Variants in NAV1 observed in about 807,000 individuals in gnomAD.
NAV1 encodes neuron navigator 1, also known as pore membrane and/or filament interacting like protein 3.
A neutral mutation model predicts 175.2 loss-of-function variants in NAV1; 18 were observed. The observed-to-expected ratio is 0.10, with a 90% CI of 0.07 to 0.15. NAV1 has a LOEUF of 0.15. Among genes scored for constraint, NAV1 ranks in the 10% least tolerant of loss-of-function variants. The pLI, the probability that NAV1 is intolerant of heterozygous loss-of-function variation, is 1.00. For missense variants in NAV1, 1,731 were observed against 2,436.6 expected (o/e 0.71, Z 6.10); for synonymous variants, 897 against 978.7 (o/e 0.92, Z 1.56).
chr1:201,541,631 G>A (rs1056933787), intron 1 of NAV1, among the ~76,000 whole-genome samples: 34 of 152,192 alleles, frequency 2.2e-4, no homozygotes, highest in Non-Finnish European at 3.5e-4. Context: ...AAAATTAGCC[G>A]GGTGTGGTGG....
chr1:201,632,138 C>G (rs114537620), intron 2 of NAV1, among the ~76,000 whole-genome samples: 2,508 of 152,282 alleles, frequency 0.016, 38 homozygotes, highest in Non-Finnish European at 0.027. Flanking sequence ...TTGAGCGGAG[C>G]AGGAGAAGGC....
intron 1 of NAV1, among the ~76,000 whole-genome samples, chr1:201,549,943 G>C (rs1283853361): frequency 6.8e-6 from 1 of 147,310 alleles, no homozygotes; most frequent in Non-Finnish European, 1.5e-5. Flanking sequence ...CCCAGGAGGC[G>C]GAGCTTACAG....
At chr1:201,824,845 C>T (rs1679582857) in exon 30 of NAV1, 1 of 152,074 alleles carries the variant, frequency 6.6e-6, no homozygotes, top group Non-Finnish European at 1.5e-5. Context: ...TTCTCAATCC[C>T]ATCCCAGATC....
At chr1:201,558,793 A>G (rs2767293) in intron 1 of NAV1, among the ~76,000 whole-genome samples, 34,793 of 152,086 alleles carry the variant, frequency 0.23, 5,924 homozygotes, top group African/African-American at 0.47. Flanking sequence ...TGTGATATGA[A>G]TTTTAATCTT....
chr1:201,640,240 AG>A (rs1014020163), intron 2 of NAV1, among the ~76,000 whole-genome samples: 5 of 152,300 alleles, frequency 3.3e-5, no homozygotes, highest in African/African-American at 1.2e-4. Flanking sequence ...GGGGCCAGAG[AG>A]GGTGAGCCGG....
upstream of NAV1, among the ~76,000 whole-genome samples, chr1:201,620,015 A>G (rs76975693): frequency 1.2e-3 from 184 of 152,374 alleles, no homozygotes; most frequent in African/African-American, 4.3e-3. Context: ...TGTGGAAATT[A>G]TTTCATTTAT....
chr1:201,703,283 C>T (rs571182528), intron 1 of NAV1, among the ~76,000 whole-genome samples: 11 of 152,346 alleles, frequency 7.2e-5, no homozygotes, highest in Non-Finnish European at 1.6e-4. Flanking sequence ...CAGAGGGCCA[C>T]GTCTCCAGGC....
At chr1:201,569,882 A>C (rs1038601860) in intron 1 of NAV1, among the ~76,000 whole-genome samples, 8 of 152,204 alleles carry the variant, frequency 5.3e-5, no homozygotes, top group African/African-American at 1.9e-4. Context: ...GCTTCTGACT[A>C]GTGTGTGATC....
At chr1:201,631,144 G>A (rs1041234996) in intron 2 of NAV1, among the ~76,000 whole-genome samples, 4 of 152,210 alleles carry the variant, frequency 2.6e-5, no homozygotes, top group African/African-American at 9.7e-5. Context: ...TTTCTCCAAG[G>A]CTCCTAGGGA....
intron 2 of NAV1, among the ~76,000 whole-genome samples, chr1:201,611,591 G>A (rs906698401): frequency 3.3e-5 from 5 of 152,218 alleles, no homozygotes; most frequent in African/African-American, 1.2e-4. Context: ...CTTGGGACAA[G>A]TTACTTCCTC....
chr1:201,790,573 C>G (rs142843126), exon 12 of NAV1: 1 of 1,614,122 alleles, frequency 6.2e-7, no homozygotes. Flanking sequence ...AGGATGCAAT[C>G]TGAGGTAGGG....
chr1:201,581,424 C>T (rs964226426), intron 1 of NAV1, among the ~76,000 whole-genome samples: 5 of 152,054 alleles, frequency 3.3e-5, no homozygotes, highest in African/African-American at 9.7e-5. Context: ...GTTGACTGTG[C>T]GGAGTCTGTG....
At chr1:201,756,826 TTCTTTCTTTCTTTC>T (rs1240428307) in intron 3 of NAV1, among the ~76,000 whole-genome samples, 1,073 of 79,054 alleles carry the variant, frequency 0.014, 45 homozygotes, top group Admixed American at 0.025. Context: ...CTTTCTTTCT[TTCTTTCTTTCTTTC>T]TTTCTTTCTT....
chr1:201,676,900 A>G (rs375823356), intron 1 of NAV1, among the ~76,000 whole-genome samples: 9 of 152,116 alleles, frequency 5.9e-5, no homozygotes, highest in South Asian at 2.1e-4. Context: ...CTTTAAACCA[A>G]TGTAATTCTA....
chr1:201,694,708 C>T lies in NAV1; in HGVS notation c.758-18109C>T, dbSNP rs1459682641. On this transcript the variant is annotated intron_variant, in intron 1 of 29. Coordinates refer to ENST00000367296, the Ensembl canonical transcript of NAV1. The surrounding 1 kb of genome is among the most constrained non-coding windows in gnomAD (Gnocchi z 4.2). ...TCTGGGCTCTGTGTTCTGTCGGTTG[C>T]TTATTCATTGAAAGTCAGGGATGGG... Among the ~76,000 whole-genome samples, 2 of 152,192 alleles carry T rather than the reference C, an allele frequency of 1.3e-5. No individual in the cohort carries two copies. The highest frequency in any genetic ancestry group is 2.9e-5 in the Non-Finnish European group (2 of 68,026).
At chr1:201,621,117 G>A (rs1323279268), upstream of NAV1, among the ~76,000 whole-genome samples, 1 of 151,726 alleles carries the variant, frequency 6.6e-6, no homozygotes, top group Non-Finnish European at 1.5e-5. Flanking sequence ...ATGTTTTGTA[G>A]AGATGTTGCC....
chr1:201,751,999 G>A (rs1269950946), intron 3 of NAV1, among the ~76,000 whole-genome samples: 1 of 152,132 alleles, frequency 6.6e-6, no homozygotes, highest in South Asian at 2.1e-4. Context: ...CCATAAAAAC[G>A]AAGGTCTTTC....
At chr1:201,706,652 G>A (rs1362250418) in intron 1 of NAV1, among the ~76,000 whole-genome samples, 2 of 152,148 alleles carry the variant, frequency 1.3e-5, no homozygotes, top group Non-Finnish European at 2.9e-5. Flanking sequence ...GCTCACTTCC[G>A]TTCCTTCTGT....
intron 3 of NAV1, among the ~76,000 whole-genome samples, chr1:201,754,813 C>T (rs1674351731): frequency 6.6e-6 from 1 of 152,098 alleles, no homozygotes; most frequent in African/African-American, 2.4e-5. Flanking sequence ...GTTATATTAA[C>T]TAAACCAGTT....
Sources: gnomAD v4.1 joint callset for allele counts (sites outside exome capture counted in the v4.1 genomes callset) on GRCh38, gnomAD v4.1.1 for gene constraint, Gnocchi (gnomAD v3.1) non-coding constraint, MANE v1.5 for transcripts, NCBI Gene and HGNC (gene_info 2026-07-23, HGNC 2026-07-21) for gene names.